Variants in CSMD1 observed in about 807,000 individuals in gnomAD.
CSMD1 encodes CUB and Sushi multiple domains 1.
In CSMD1, 213 loss-of-function variants were observed where a neutral mutation model predicts 417.5. The ratio of observed to expected loss-of-function variants is 0.51; its 90% CI spans 0.46 to 0.57. The LOEUF is 0.57. Among genes scored for constraint, CSMD1 ranks in the 20% least tolerant of loss-of-function variants. The pLI is 0.00. For synonymous variants in CSMD1, 2,862 were observed against 1,736.8 expected (o/e 1.65, Z -16.11); for missense variants, 6,923 against 4,529.7 (o/e 1.53, Z -15.17).
intron 7 of CSMD1, among the ~76,000 whole-genome samples, chr8:3,687,786 T>C (rs1258668139): frequency 6.6e-6 from 1 of 152,156 alleles, no homozygotes; most frequent in Non-Finnish European, 1.5e-5. Context: ...TAAAAACACT[T>C]GATCTTTGCT....
chr8:4,087,383 C>G (rs758156291), intron 3 of CSMD1, among the ~76,000 whole-genome samples: 2 of 152,216 alleles, frequency 1.3e-5, no homozygotes, highest in Non-Finnish European at 2.9e-5. Flanking sequence ...CATGACCTAA[C>G]ACACATAGCT....
intron 1 of CSMD1, among the ~76,000 whole-genome samples, chr8:4,676,272 A>C (rs945608872): frequency 6.6e-6 from 1 of 152,028 alleles, no homozygotes; most frequent in African/African-American, 2.4e-5. Context: ...CCCTCCCTCT[A>C]TATATTAAGA....
intron 3 of CSMD1, among the ~76,000 whole-genome samples, chr8:4,418,583 T>C (rs1012818801): frequency 2.6e-5 from 4 of 152,204 alleles, no homozygotes; most frequent in Non-Finnish European, 4.4e-5. Flanking sequence ...AAATATTGTA[T>C]GTTAACAGGA....
chr8:4,604,780 G>T (rs561943413), intron 2 of CSMD1, among the ~76,000 whole-genome samples: 2 of 152,118 alleles, frequency 1.3e-5, no homozygotes, highest in Non-Finnish European at 2.9e-5. Context: ...TTTGAATATA[G>T]ATCTACTTCT....
At chr8:3,433,276 A>C (rs1814337993) in intron 12 of CSMD1, among the ~76,000 whole-genome samples, 1 of 152,184 alleles carries the variant, frequency 6.6e-6, no homozygotes, top group South Asian at 2.1e-4. Context: ...ACTTATCTCC[A>C]GGTCTTCTGA....
At chr8:4,152,671 C>T (rs562299717) in intron 3 of CSMD1, among the ~76,000 whole-genome samples, 2 of 151,894 alleles carry the variant, frequency 1.3e-5, no homozygotes, top group Admixed American at 1.3e-4. Flanking sequence ...ACCCAAGCAA[C>T]AGAGCGAGAC....
chr8:3,976,071 T>A lies in CSMD1; in HGVS notation c.818+21832A>T, dbSNP rs185970628. ...GAAATCTGTATTTGATATGTTAAAT[T>A]TTTTTGGGGGGGTCACGAACTTGTA... On this transcript the variant is annotated intron_variant, in intron 5 of 69. Coordinates refer to ENST00000635120, the MANE Select transcript of CSMD1 (RefSeq NM_033225.6). Among the ~76,000 whole-genome samples, 468 of 152,106 alleles carry A rather than the reference T, an allele frequency of 3.1e-3. 1 individual carries two copies. The highest frequency in any genetic ancestry group is 0.011 in the African/African-American group (445 of 41,498).
intron 3 of CSMD1, among the ~76,000 whole-genome samples, chr8:4,082,551 A>G (rs185673134): frequency 4.8e-4 from 73 of 152,252 alleles, no homozygotes; most frequent in Non-Finnish European, 8.2e-4. Context: ...AAAACAAACA[A>G]AATTACAGAC....
chr8:4,258,624 C>T (rs574324072), intron 3 of CSMD1, among the ~76,000 whole-genome samples: 8 of 99,674 alleles, frequency 8.0e-5, no homozygotes, highest in African/African-American at 3.0e-4. Context: ...GGCACTCATT[C>T]TAACATGAGG....
intron 26 of CSMD1, among the ~76,000 whole-genome samples, chr8:3,260,825 C>T (rs921057794): frequency 6.6e-6 from 1 of 152,034 alleles, no homozygotes; most frequent in African/African-American, 2.4e-5. Context: ...AAAGCTTTTG[C>T]TCTAAAAAAG....
At chr8:4,694,403 G>C (rs1427110264) in intron 1 of CSMD1, among the ~76,000 whole-genome samples, 2 of 151,938 alleles carry the variant, frequency 1.3e-5, no homozygotes, top group African/African-American at 2.4e-5. Context: ...CCAGGCTAGA[G>C]TGCAGTCGTG....
intron 4 of CSMD1, among the ~76,000 whole-genome samples, chr8:4,031,480 C>T (rs889195959): frequency 6.6e-6 from 1 of 152,102 alleles, no homozygotes; most frequent in Non-Finnish European, 1.5e-5. Context: ...GAAACACTTA[C>T]CCCCATGATT....
chr8:3,474,531 T>C (rs1261965228), intron 11 of CSMD1, among the ~76,000 whole-genome samples: 4 of 152,246 alleles, frequency 2.6e-5, no homozygotes, highest in Admixed American at 1.3e-4. Context: ...TAAAAGTGTG[T>C]ATAGTTCACA....
At chr8:3,945,852 G>C (rs904410145) in intron 5 of CSMD1, among the ~76,000 whole-genome samples, 2 of 152,174 alleles carry the variant, frequency 1.3e-5, no homozygotes, top group South Asian at 2.1e-4. Flanking sequence ...ATTGATTGTA[G>C]TGAATCATTA....
chr8:4,132,777 AAG>A (rs1268558994), intron 3 of CSMD1, among the ~76,000 whole-genome samples: 1 of 152,224 alleles, frequency 6.6e-6, no homozygotes, highest in Non-Finnish European at 1.5e-5. Context: ...TCCGTTTAAA[AAG>A]ACACAAACTG....
chr8:3,119,182 G>A (rs762385404), intron 41 of CSMD1, among the ~76,000 whole-genome samples: 25 of 150,916 alleles, frequency 1.7e-4, no homozygotes, highest in African/African-American at 3.2e-4. Context: ...TCTGTCCCCC[G>A]CCCCAAAAAA....
intron 1 of CSMD1, among the ~76,000 whole-genome samples, chr8:4,764,642 C>T (rs56226923): frequency 2.0e-5 from 3 of 151,048 alleles, no homozygotes; most frequent in Non-Finnish European, 1.5e-5. Context: ...AGATAATTCT[C>T]TTTGGTGTTC....
In CSMD1 at chr8:4,800,674, G is replaced by T. The variant is rs183158009; in HGVS notation, c.86-163116C>A. 1.8e-3 allele frequency among the ~76,000 whole-genome samples: 268 copies of T among 152,250 alleles called. 2 individuals are homozygous for T. The highest frequency in any genetic ancestry group is 4.9e-4 in the Non-Finnish European group (33 of 68,030). On this transcript the variant is annotated intron_variant, in intron 1 of 69. Coordinates refer to ENST00000635120, the MANE Select transcript of CSMD1 (RefSeq NM_033225.6). The stretch of plus-strand genomic sequence containing the variant: ...GGCTGTGGAGCCTCAGAGTTGTCCA[G>T]GTCAGCTACGTTGGGCTAAGTTCTG...
chr8:3,307,843 G>A (rs773691814), intron 24 of CSMD1, 22 bp from the exon 25 acceptor site: 5 of 1,603,982 alleles, frequency 3.1e-6, no homozygotes, highest in East Asian at 4.5e-5. Context: ...ACAGAGAGAT[G>A]GGAACGTTCA....
Sources: allele counts gnomAD v4.1 joint callset (sites outside exome capture counted in the v4.1 genomes callset), GRCh38; gene constraint gnomAD v4.1.1; transcripts MANE v1.5; gene names NCBI Gene and HGNC (gene_info 2026-07-23, HGNC 2026-07-21).